The following TBC1D16 variants were observed in gnomAD, a reference collection of about 807,000 sequenced individuals.
The protein encoded by TBC1D16 is CTD-2529O21.1.
In TBC1D16, 58 loss-of-function variants were observed where a neutral mutation model predicts 74.7. That is an observed-to-expected ratio of 0.78 (90% CI 0.63 to 0.97). TBC1D16 has a LOEUF of 0.97. TBC1D16 is among the 50% of genes least tolerant of loss of function. TBC1D16 has a pLI of 0.00. For synonymous variants in TBC1D16, 493 were observed against 474.7 expected, an observed-to-expected ratio of 1.04 and a Z score of -0.50; for missense variants, 1,014 against 1,079.5, an observed-to-expected ratio of 0.94 and a Z score of 0.85.
chr17:79,997,749 T>G (rs1379701298), intron 3 of TBC1D16, among the ~76,000 whole-genome samples: 1 of 152,210 alleles, frequency 6.6e-6, no homozygotes, highest in Non-Finnish European at 1.5e-5. Flanking sequence ...GGGCTTCTAC[T>G]AGGTTCACTC....
At position 79,938,416 on chromosome 17, in the gene TBC1D16, G is replaced by A. The variant is rs1298077279; in HGVS notation, c.*2443C>T. On this transcript the variant is annotated 3_prime_UTR_variant, in exon 12 of 12. Transcript: ENST00000310924. The stretch of plus-strand genomic sequence containing the variant: ...TCAGGTCTTGGGGAGCAGCAGGGGT[G>A]AGAAGCTGTAGGGCCAGGAGACTCA... The A allele has an allele frequency of 6.6e-6, 1 of 152,454 alleles. No homozygotes were observed. Among genetic ancestry groups the A allele is most frequent in the Non-Finnish European group, 1.5e-5 (1 of 68,218 alleles). 9.4% of individuals were successfully genotyped at this position (152,454 alleles called of 1,614,324 possible).
rs533270075 is a variant in TBC1D16, at chr17:79,993,122, G to A, written c.779+17038C>T. Among the ~76,000 whole-genome samples, 1 of 152,304 alleles carries A rather than the reference G, an allele frequency of 6.6e-6. No homozygotes were observed. Among genetic ancestry groups the A allele is most frequent in the South Asian group, 2.1e-4 (1 of 4,828 alleles). The stretch of plus-strand genomic sequence containing the variant: ...CTAGCGCCAGCCCCATTGTGCAGAG[G>A]GGAAACTGAGGCAATGAGGGTAATA... On this transcript the variant is annotated intron_variant, in intron 3 of 11. Coordinates refer to ENST00000310924, the MANE Select transcript of TBC1D16 (RefSeq NM_019020.4). The surrounding 1 kb of genome is among the most constrained non-coding windows in gnomAD (Gnocchi z 5.1).
At chr17:79,942,998 T>C (rs2032162254) in intron 10 of TBC1D16, among the ~76,000 whole-genome samples, 2 of 152,186 alleles carry the variant, frequency 1.3e-5, no homozygotes, top group Non-Finnish European at 2.9e-5. Flanking sequence ...CACGCCACCT[T>C]TGATGCACAC....
At position 79,993,715 on chromosome 17, in the gene TBC1D16, C is replaced by G. The variant is rs961983514; in HGVS notation, c.779+16445G>C. Reference sequence around the variant, plus strand: ...CCGGGAGACAGGCGCTGCCACATCACTGCCTCTGGGAGCCCGTGACCTCAT... The same window carrying G: ...CCGGGAGACAGGCGCTGCCACATCAGTGCCTCTGGGAGCCCGTGACCTCAT... On this transcript the variant is annotated intron_variant, in intron 3 of 11. Coordinates refer to ENST00000310924, the MANE Select transcript of TBC1D16 (RefSeq NM_019020.4). The surrounding 1 kb of genome is among the most constrained non-coding windows in gnomAD (Gnocchi z 5.1). 6.6e-6 allele frequency: 1 copy of G among 152,282 alleles called. No individual in the cohort carries two copies. The highest frequency in any genetic ancestry group is 1.5e-5 in the Non-Finnish European group (1 of 68,060). 9.4% of individuals were successfully genotyped at this position (152,282 alleles called of 1,614,324 possible).
Position 79,947,753 on chromosome 17 carries a change from G to A in TBC1D16, c.1620C>T (p.Ile540=). ...CTGACTCATCCAGGACCTCGGCCAA[G>A]ATGGGCGCCACCAGGTCCGACATCC... The part of the protein sequence containing the change: ...SQGMSDLVAP[I]LAEVLDESDT... The change falls in exon 9 of 12, where the codon ATC becomes ATT. Residue 540 remains isoleucine, a synonymous_variant. Transcript: ENST00000310924. 1 of 1,614,024 alleles carries A rather than the reference G, an allele frequency of 6.2e-7. No homozygotes were observed. Among genetic ancestry groups the A allele is most frequent in the South Asian group, 1.1e-5 (1 of 91,086 alleles).
Position 80,009,080 on chromosome 17 carries a change from G to A in TBC1D16, c.779+1080C>T, listed in dbSNP as rs915218745. ...GGGATAATAGGAGGGCCCACCTCAC[G>A]GGGCGTGGGGCTGTGGAAAGCACAC... is the stretch of plus-strand genomic sequence containing the variant. On this transcript the variant is annotated intron_variant, in intron 3 of 11. Transcript: ENST00000310924. This position sits in a 1 kb window ranked among gnomAD's most constrained non-coding sequence, Gnocchi z 5.4. 6.6e-5 allele frequency among the ~76,000 whole-genome samples: 10 copies of A among 152,230 alleles called. No individual in the cohort carries two copies. Among genetic ancestry groups the A allele is most frequent in the Non-Finnish European group, 1.0e-4 (7 of 68,034 alleles).
At chr17:79,947,609 C>T in intron 9 of TBC1D16, 36 bp downstream of exon 9, 3 of 1,605,502 alleles carry the variant, frequency 1.9e-6, no homozygotes, top group Non-Finnish European at 2.6e-6. Context: ...CGGGCCCTCA[C>T]ATGCCCTTGG....
chr17:79,980,622 G>A lies in TBC1D16; in HGVS notation c.780-27804C>T, dbSNP rs1186254979. Among the ~76,000 whole-genome samples the A allele has an allele frequency of 2.6e-5, 4 of 152,226 alleles. No homozygotes were observed. The highest frequency in any genetic ancestry group is 2.1e-4 in the South Asian group (1 of 4,832). The stretch of plus-strand genomic sequence containing the variant: ...AAGAGACACAGTGGGTGGCAGGAAC[G>A]GGGAACAGAAAGCCAGAACCTTCTA... On this transcript the variant is annotated intron_variant, in intron 3 of 11. Transcript: ENST00000310924. This position sits in a 1 kb window ranked among gnomAD's most constrained non-coding sequence, Gnocchi z 7.0.
At chr17:80,004,484 A>G (rs1383651656) in intron 3 of TBC1D16, among the ~76,000 whole-genome samples, 1 of 152,116 alleles carries the variant, frequency 6.6e-6, no homozygotes, top group Non-Finnish European at 1.5e-5. Context: ...TCCTCCTCAT[A>G]TAAAAAAAAG....
intron 3 of TBC1D16, among the ~76,000 whole-genome samples, chr17:79,960,768 A>G (rs1806111096): frequency 1.4e-5 from 2 of 142,794 alleles, no homozygotes; most frequent in East Asian, 4.1e-4. Context: ...AAAACCCAAA[A>G]AACAAAAACC....
chr17:79,950,715 T>G lies in TBC1D16; in HGVS notation c.1090-137A>C. 1 of 1,540,672 alleles carries G rather than the reference T, an allele frequency of 6.5e-7. No homozygotes were observed. Among genetic ancestry groups the G allele is most frequent in the Non-Finnish European group, 8.7e-7 (1 of 1,143,964 alleles). ...GGGCCGTCCCCTGCATACAAACCCC[T>G]AAATGGCGAGTGTAATTAGGCGCAA... On this transcript the variant is annotated intron_variant, in intron 5 of 11. Transcript: ENST00000310924. This position sits in a 1 kb window ranked among gnomAD's most constrained non-coding sequence, Gnocchi z 4.6.
intron 3 of TBC1D16, chr17:79,992,831 C>T (rs1488553851): frequency 1.3e-5 from 2 of 152,336 alleles, no homozygotes; most frequent in Admixed American, 6.5e-5. Flanking sequence ...CAGAGCCCCT[C>T]GGGGAAAGCC....
At chr17:79,968,670 A>G (rs7406763) in intron 3 of TBC1D16, among the ~76,000 whole-genome samples, 94,982 of 151,576 alleles carry the variant, frequency 0.63, 30,014 homozygotes, top group East Asian at 0.78. Context: ...TGGCTAACAT[A>G]GTGAAATCTT....
rs1598352868 is a variant in TBC1D16 at position 79,961,568 on chromosome 17, T to A, written c.780-8750A>T. Among the ~76,000 whole-genome samples, 1 of 152,214 alleles carries A rather than the reference T, an allele frequency of 6.6e-6. No homozygotes were observed. Among genetic ancestry groups the A allele is most frequent in the Non-Finnish European group, 1.5e-5 (1 of 68,042 alleles). On this transcript the variant is annotated intron_variant, in intron 3 of 11. Coordinates refer to ENST00000310924, the MANE Select transcript of TBC1D16 (RefSeq NM_019020.4). This position sits in a 1 kb window ranked among gnomAD's most constrained non-coding sequence, Gnocchi z 4.8. ...ATGTGTGTAACAGCTTTATCTAAAATAGCTAAGAACTGGCCAGGCACAGTG... is the reference window on the plus strand; with the variant it reads ...ATGTGTGTAACAGCTTTATCTAAAAAAGCTAAGAACTGGCCAGGCACAGTG...
chr17:79,952,415 C>G (rs1019890705), intron 4 of TBC1D16, among the ~76,000 whole-genome samples: 1 of 152,242 alleles, frequency 6.6e-6, no homozygotes, highest in Admixed American at 6.5e-5. Context: ...CAACCGCTGG[C>G]TACCATCACG....
Position 79,986,707 on chromosome 17 carries a change from G to A in TBC1D16, c.779+23453C>T, listed in dbSNP as rs904255727. On this transcript the variant is annotated intron_variant, in intron 3 of 11. Coordinates refer to ENST00000310924, the MANE Select transcript of TBC1D16 (RefSeq NM_019020.4). The surrounding 1 kb of genome is among the most constrained non-coding windows in gnomAD (Gnocchi z 6.0). ...ATGGTGGGTGAACGGGCTTCCTCTC[G>A]GAAACCAACATCCTGGTTGGGTTTT... Among the ~76,000 whole-genome samples, 5 of 152,146 alleles carry A rather than the reference G, an allele frequency of 3.3e-5. No homozygotes were observed. Among genetic ancestry groups the A allele is most frequent in the Admixed American group, 1.3e-4 (2 of 15,260 alleles).
chr17:79,980,140 A>G lies in TBC1D16; in HGVS notation c.780-27322T>C, dbSNP rs538015620. Among the ~76,000 whole-genome samples, 3 of 152,246 alleles carry G rather than the reference A, an allele frequency of 2.0e-5. No individual in the cohort carries two copies. Among genetic ancestry groups the G allele is most frequent in the African/African-American group, 7.2e-5 (3 of 41,542 alleles). ...TCCCACTGCTCTGCAGAAACAGAATAATCACCACCCAGGCTGGTGGCTTCC... is the reference window on the plus strand; with the variant it reads ...TCCCACTGCTCTGCAGAAACAGAATGATCACCACCCAGGCTGGTGGCTTCC... On this transcript the variant is annotated intron_variant, in intron 3 of 11. Transcript: ENST00000310924. This position sits in a 1 kb window ranked among gnomAD's most constrained non-coding sequence, Gnocchi z 7.0.
intron 3 of TBC1D16, among the ~76,000 whole-genome samples, chr17:80,006,427 G>GA (rs201573916): frequency 0.013 from 1,917 of 152,186 alleles, 17 homozygotes; most frequent in Middle Eastern, 0.034. Flanking sequence ...CCGGGCTGGG[G>GA]ACGCCTGCTC....
At chr17:79,984,313 C>A (rs2034722797) in intron 3 of TBC1D16, among the ~76,000 whole-genome samples, 2 of 151,776 alleles carry the variant, frequency 1.3e-5, no homozygotes, top group South Asian at 2.1e-4. Flanking sequence ...GGCCTAAAAT[C>A]AAAAAAAATT....
Sources: gnomAD v4.1 joint callset for allele counts (sites outside exome capture counted in the v4.1 genomes callset) on GRCh38, gnomAD v4.1.1 for gene constraint, Gnocchi (gnomAD v3.1) non-coding constraint, MANE v1.5 for transcripts, NCBI Gene and HGNC (gene_info 2026-07-23, HGNC 2026-07-21) for gene names.